SAMSN1: variants seen among roughly 807,000 people sequenced by gnomAD.
SAMSN1 encodes SAM domain-containing protein SAMSN-1.
Under a neutral mutation model 42.0 loss-of-function variants are expected in SAMSN1, and 31 were observed. The ratio of observed to expected loss-of-function variants is 0.74; its 90% confidence interval spans 0.55 to 1.00. The LOEUF (loss-of-function observed/expected upper bound fraction) is 1.00. Among genes scored for constraint, SAMSN1 ranks in the 50% least tolerant of loss-of-function variants. The pLI is 0.00. For synonymous variants in SAMSN1, 178 were observed against 151.9 expected (o/e 1.17, Z -1.26); for missense variants, 464 against 439.4 (o/e 1.06, Z -0.50).
chr21:14,613,689 T>C (rs1396078054), intron 3 of SAMSN1, among the ~76,000 whole-genome samples: 1 of 152,088 alleles, frequency 6.6e-6, no homozygotes, highest in Non-Finnish European at 1.5e-5. Context: ...TCCAAACAAA[T>C]AAAGCTATTT....
intron 2 of SAMSN1, among the ~76,000 whole-genome samples, chr21:14,616,449 C>T (rs551903360): frequency 1.3e-5 from 2 of 152,240 alleles, no homozygotes; most frequent in East Asian, 3.9e-4. Flanking sequence ...CATAGAGTGC[C>T]TTCATTTGAG....
At chr21:14,619,210 G>A (rs1600967580) in intron 2 of SAMSN1, among the ~76,000 whole-genome samples, 1 of 152,218 alleles carries the variant, frequency 6.6e-6, no homozygotes, top group East Asian at 1.9e-4. Flanking sequence ...AGACTAATAT[G>A]TGCCTGTTTC....
chr21:14,520,669 T>C lies in SAMSN1; in HGVS notation c.129+481A>G, dbSNP rs76011485. 3.1e-3 allele frequency among the ~76,000 whole-genome samples: 467 copies of C among 152,274 alleles called. 3 individuals carry two copies. The highest frequency in any genetic ancestry group is 0.011 in the African/African-American group (441 of 41,542). ...CTTGAAGGCTGAAAAACCAGACTGA[T>C]GATCCTGGATGAAGCCCACCCTTTC... is the stretch of plus-strand genomic sequence containing the variant. On this transcript the variant is annotated intron_variant, in intron 2 of 7. Coordinates refer to ENST00000400566, the MANE Select transcript of SAMSN1 (RefSeq NM_022136.5).
intron 6 of SAMSN1, among the ~76,000 whole-genome samples, chr21:14,601,076 G>T (rs1982417508): frequency 6.6e-6 from 1 of 152,178 alleles, no homozygotes; most frequent in Non-Finnish European, 1.5e-5. Context: ...GAGAGTCTAA[G>T]TAAATTGCAC....
At chr21:14,524,910 A>C (rs538691086) in intron 1 of SAMSN1, among the ~76,000 whole-genome samples, 127 of 152,338 alleles carry the variant, frequency 8.3e-4, no homozygotes, top group Non-Finnish European at 1.5e-3. Flanking sequence ...AGGATACTAA[A>C]AAGAAAAATG....
At chr21:14,570,781 T>C (rs1367093072) in intron 2 of SAMSN1, among the ~76,000 whole-genome samples, 1 of 152,188 alleles carries the variant, frequency 6.6e-6, no homozygotes, top group Non-Finnish European at 1.5e-5. Flanking sequence ...GAGTGATCTT[T>C]CCAAAATATC....
intron 5 of SAMSN1, among the ~76,000 whole-genome samples, chr21:14,501,845 A>T (rs1185220556): frequency 6.6e-6 from 1 of 152,214 alleles, no homozygotes. Flanking sequence ...ATTAGTATGG[A>T]CAAACCAATT....
chr21:14,540,403 C>G lies in SAMSN1; in HGVS notation c.57+5802G>C, dbSNP rs190989517. ...TTTGCAATCTACTCATCTGACAAAG[C>G]GCTAATATCCAGAATCTACAGTGAA... On this transcript the variant is annotated intron_variant, in intron 1 of 7. Transcript: ENST00000400566. Among the ~76,000 whole-genome samples, 62 of 152,112 alleles carry G rather than the reference C, an allele frequency of 4.1e-4. 1 individual carries two copies. The highest frequency in any genetic ancestry group is 6.2e-4 in the South Asian group (3 of 4,812).
intron 1 of SAMSN1, among the ~76,000 whole-genome samples, chr21:14,654,613 A>G (rs1324529834): frequency 1.3e-5 from 2 of 152,024 alleles, no homozygotes; most frequent in Non-Finnish European, 2.9e-5. Flanking sequence ...AACAGCTGCT[A>G]GGGCTCTTGC....
chr21:14,493,574 A>AACACACACACACAC (rs201460166), intron 7 of SAMSN1, among the ~76,000 whole-genome samples: 63 of 102,318 alleles, frequency 6.2e-4, no homozygotes, highest in African/African-American at 1.8e-3. Flanking sequence ...TTTATGGAAC[A>AACACACACACACAC]ACACACACAC....
rs1371253602 is a variant in SAMSN1 at position 14,521,169 on chromosome 21, T to C, written c.110A>G (p.Lys37Arg). ...FDRFRNNSLSKPDDSTEAHEG... is the reference protein window; with the variant it reads ...FDRFRNNSLSRPDDSTEAHEG... ...ACGAACCTCAGTTGAATCATCTGGT[T>C]TTGATAAAGAATTATTCCGAAAACG... The change falls in exon 2 of 8, where the codon AAA (lysine) becomes AGA (arginine). Residue 37 changes from lysine to arginine, a missense_variant. Transcript: ENST00000400566. 6.2e-7 allele frequency: 1 copy of C among 1,610,322 alleles called. No individual in the cohort carries two copies. The highest frequency in any genetic ancestry group is 1.1e-5 in the South Asian group (1 of 90,538).
At chr21:14,510,796 A>G (rs1987657480) in intron 4 of SAMSN1, among the ~76,000 whole-genome samples, 1 of 152,118 alleles carries the variant, frequency 6.6e-6, no homozygotes, top group Admixed American at 6.5e-5. Context: ...GTTCCCTACA[A>G]TTTCCTCCCC....
chr21:14,516,810 TACCAAGC>T (rs1460009129), intron 3 of SAMSN1, 75 bp downstream of exon 3: 2 of 1,165,040 alleles, frequency 1.7e-6, no homozygotes, highest in Non-Finnish European at 2.4e-6. Context: ...CTTCATAAAG[TACCAAGC>T]ACTTCTATAG....
chr21:14,583,539 C>T (rs191160466), upstream of SAMSN1: 27 of 580,920 alleles, frequency 4.6e-5, no homozygotes, highest in Non-Finnish European at 5.9e-5. Flanking sequence ...AAAAAAAAAT[C>T]CTCAATGTTT....
In SAMSN1 at chr21:14,582,287, C is replaced by T. The variant is rs1981762024; in HGVS notation, c.110G>A (p.Trp37Ter). Residue 37 changes from tryptophan (W) to a stop codon, truncating the protein, a stop_gained, in exon 2 of 9, where the codon TGG (tryptophan) becomes TAG (stop). Transcript: ENST00000285670. LOFTEE classifies it high-confidence loss of function. ...TTCAGGAAAAGGCTTCCAGTGATGC[C>T]ACATGTAAGCTTCACCTTCATACCA... The T allele has an allele frequency of 6.4e-7, 1 of 1,550,608 alleles. No homozygotes were observed. Among genetic ancestry groups the T allele is most frequent in the Non-Finnish European group, 8.7e-7 (1 of 1,147,012 alleles).
chr21:14,547,467 G>A (rs1310200714), upstream of SAMSN1, among the ~76,000 whole-genome samples: 1 of 152,118 alleles, frequency 6.6e-6, no homozygotes, highest in Non-Finnish European at 1.5e-5. Flanking sequence ...AAAAGTTCAA[G>A]CTTTATTGTT....
intron 1 of SAMSN1, among the ~76,000 whole-genome samples, chr21:14,544,175 T>C (rs973255262): frequency 2.0e-5 from 3 of 152,190 alleles, no homozygotes; most frequent in African/African-American, 7.2e-5. Context: ...CTCAGCCTCC[T>C]GAATAGCTGG....
intron 7 of SAMSN1, among the ~76,000 whole-genome samples, chr21:14,590,286 A>G (rs940201281): frequency 4.0e-5 from 6 of 151,452 alleles, no homozygotes; most frequent in East Asian, 3.9e-4. Flanking sequence ...CTTTTAAGAC[A>G]CAGGGTCTTG....
intron 2 of SAMSN1, among the ~76,000 whole-genome samples, chr21:14,554,486 C>T (rs1279463605): frequency 6.6e-6 from 1 of 151,972 alleles, no homozygotes; most frequent in African/African-American, 2.4e-5. Flanking sequence ...AATTTTCCTT[C>T]TATTCCCTTC....
Sources: allele counts gnomAD v4.1 joint callset (sites outside exome capture counted in the v4.1 genomes callset), GRCh38; gene constraint gnomAD v4.1.1; transcripts MANE v1.5; gene names NCBI Gene and HGNC (gene_info 2026-07-23, HGNC 2026-07-21).